The following SNUPN variants were observed in gnomAD, a reference collection of about 807,000 sequenced individuals.
SNUPN encodes snurportin 1, also known as snurportin-1.
Under a neutral mutation model 39.2 loss-of-function variants are expected in SNUPN, and 31 were observed. The ratio of observed to expected loss-of-function variants is 0.79; its 90% CI spans 0.59 to 1.07. The LOEUF is 1.07. Among genes scored for constraint, SNUPN ranks in the 50% least tolerant of loss-of-function variants. The pLI, the probability that SNUPN is intolerant of heterozygous loss-of-function variation, is 0.00. For missense variants in SNUPN, 382 were observed against 434.2 expected, an observed-to-expected ratio of 0.88 and a Z score of 1.07; for synonymous variants, 132 against 159.0, an observed-to-expected ratio of 0.83 and a Z score of 1.28.
intron 2 of SNUPN, 22 bp downstream of exon 2, chr15:75,620,872 C>A: frequency 1.2e-6 from 2 of 1,607,758 alleles, no homozygotes; most frequent in Non-Finnish European, 1.7e-6. Flanking sequence ...AGAAAGAAGA[C>A]AAGGAGTTAA....
chr15:75,621,909 G>C (rs756585817), intron 1 of SNUPN, among the ~76,000 whole-genome samples: 22 of 152,052 alleles, frequency 1.4e-4, no homozygotes, highest in Non-Finnish European at 2.5e-4. Flanking sequence ...GGTGGCAGGC[G>C]CCTGTAATCC....
intron 3 of SNUPN, among the ~76,000 whole-genome samples, chr15:75,610,405 A>G (rs568211331): frequency 1.7e-3 from 256 of 151,696 alleles, no homozygotes; most frequent in Admixed American, 2.8e-3. Flanking sequence ...TGTCTCAAAA[A>G]AAAAAAAAAA....
At chr15:75,610,937 A>G (rs1032703803) in intron 3 of SNUPN, among the ~76,000 whole-genome samples, 1 of 152,098 alleles carries the variant, frequency 6.6e-6, no homozygotes, top group African/African-American at 2.4e-5. Context: ...TGGGAGACCA[A>G]GGCGGGCGGA....
intron 7 of SNUPN, among the ~76,000 whole-genome samples, chr15:75,602,507 C>T (rs1345168560): frequency 5.8e-5 from 8 of 138,590 alleles, no homozygotes; most frequent in Non-Finnish European, 1.1e-4. Flanking sequence ...GCCTGAGCAA[C>T]AGAGCAAGAC....
intron 7 of SNUPN, 117 bp downstream of exon 7, chr15:75,605,033 C>T: frequency 1.4e-6 from 1 of 697,016 alleles, no homozygotes; most frequent in South Asian, 1.8e-5. Context: ...ATACTCTTCC[C>T]TTTATACCAT....
chr15:75,622,224 T>G, intron 1 of SNUPN: 1 of 493,582 alleles, frequency 2.0e-6, no homozygotes, highest in South Asian at 8.7e-5. Flanking sequence ...AGTAAAAAAT[T>G]ATTTTAAATT....
chr15:75,623,720 C>T (rs1893136339), intron 1 of SNUPN, among the ~76,000 whole-genome samples: 1 of 152,094 alleles, frequency 6.6e-6, no homozygotes, highest in East Asian at 1.9e-4. Context: ...GCTGGAATTA[C>T]AAGCATGAGC....
At chr15:75,606,176 C>T (rs2075329787) in intron 6 of SNUPN, among the ~76,000 whole-genome samples, 1 of 152,126 alleles carries the variant, frequency 6.6e-6, no homozygotes, top group African/African-American at 2.4e-5. Flanking sequence ...TAGTACTTAC[C>T]TTACAATAAG....
chr15:75,605,460 C>A, intron 6 of SNUPN: 1 of 346,144 alleles, frequency 2.9e-6, no homozygotes, highest in Non-Finnish European at 5.4e-6. Context: ...ACTGCCACAC[C>A]AGGCTAATTT....
upstream of SNUPN, chr15:75,626,206 C>A (rs548951098): frequency 6.6e-6 from 1 of 152,260 alleles, no homozygotes; most frequent in East Asian, 1.9e-4. Flanking sequence ...ACCTTCGCTC[C>A]CCCACTTGCC....
chr15:75,598,727 C>G (rs375561516), intron 8 of SNUPN, 46 bp from the exon 9 acceptor site: 1 of 1,486,876 alleles, frequency 6.7e-7, no homozygotes, highest in Non-Finnish European at 9.2e-7. Context: ...TCTGGGGCCA[C>G]ATGTTTCCAG....
chr15:75,620,524 T>C (rs953888795), intron 2 of SNUPN, among the ~76,000 whole-genome samples: 1 of 152,132 alleles, frequency 6.6e-6, no homozygotes, highest in African/African-American at 2.4e-5. Flanking sequence ...AATACCAGCA[T>C]TCAGAGTGCA....
At chr15:75,624,941 T>G (rs1362489939) in intron 1 of SNUPN, 1 of 227,428 alleles carries the variant, frequency 4.4e-6, no homozygotes, top group Non-Finnish European at 9.3e-6. Flanking sequence ...CCCGGCTAAT[T>G]TTTTTTGTAT....
chr15:75,623,658 T>C (rs1487868725), intron 1 of SNUPN, among the ~76,000 whole-genome samples: 1 of 151,806 alleles, frequency 6.6e-6, no homozygotes, highest in Non-Finnish European at 1.5e-5. Context: ...TTGGCGTGGC[T>C]GGTCTGAAAC....
intron 5 of SNUPN, among the ~76,000 whole-genome samples, chr15:75,608,285 A>C (rs1405156056): frequency 6.6e-6 from 1 of 152,118 alleles, no homozygotes; most frequent in Non-Finnish European, 1.5e-5. Context: ...CAGGAAATTG[A>C]GGTGGGAGGA....
rs759865042 is a variant in SNUPN at position 75,598,471 on chromosome 15, GTTTCT to G, written c.965_969del (p.Glu322AlafsTer7). On this transcript the variant is annotated frameshift_variant, in exon 9 of 9. Transcript: ENST00000308588. LOFTEE classifies it low-confidence loss of function (END_TRUNC). Reference sequence around the variant, plus strand: ...CCATTCTCAGAGGCCTTGTGTGTGAGTTTCTCCTTCATGCCTTCCTTCTGGCTCTT... The same window carrying G: ...CCATTCTCAGAGGCCTTGTGTGTGAGCCTTCATGCCTTCCTTCTGGCTCTT... 28 of 1,614,082 alleles carry G rather than the reference GTTTCT, an allele frequency of 1.7e-5. No individual in the cohort carries two copies. The highest frequency in any genetic ancestry group is 1.5e-5 in the Non-Finnish European group (18 of 1,180,038).
intron 8 of SNUPN, among the ~76,000 whole-genome samples, chr15:75,600,361 GC>G (rs2075276039): frequency 6.6e-6 from 1 of 151,394 alleles, no homozygotes; most frequent in South Asian, 2.1e-4. Context: ...TGCAACCTCT[GC>G]CTCCCAAGTT....
chr15:75,605,325 G>A, intron 6 of SNUPN, 98 bp from the exon 7 acceptor site: 1 of 520,142 alleles, frequency 1.9e-6, no homozygotes. Flanking sequence ...TTTTTTTTTT[G>A]AGATGGAGTG....
intron 3 of SNUPN, among the ~76,000 whole-genome samples, chr15:75,616,244 G>A (rs537236422): frequency 6.6e-6 from 1 of 151,700 alleles, no homozygotes; most frequent in East Asian, 2.0e-4. Flanking sequence ...ATCACCTGAG[G>A]TCGGGAGTTC....
Sources: allele counts gnomAD v4.1 joint callset (sites outside exome capture counted in the v4.1 genomes callset), GRCh38; gene constraint gnomAD v4.1.1; transcripts MANE v1.5; gene names NCBI Gene and HGNC (gene_info 2026-07-23, HGNC 2026-07-21).